The following PIEZO2 variants were observed in gnomAD, a reference collection of about 807,000 sequenced individuals.
PIEZO2 encodes piezo-type mechanosensitive ion channel component 2.
In PIEZO2, 172 loss-of-function variants were observed where a neutral mutation model predicts 337.3. The observed-to-expected ratio is 0.51, with a 90% CI of 0.45 to 0.58. The LOEUF (loss-of-function observed/expected upper bound fraction) is 0.58, where lower values mean the gene tolerates loss of function less well. Among genes scored for constraint, PIEZO2 ranks in the 20% least tolerant of loss-of-function variants. PIEZO2 has a pLI of 0.00. For synonymous variants in PIEZO2, 1,251 were observed against 1,228.5 expected (o/e 1.02, Z -0.38); for missense variants, 3,028 against 3,391.3 (o/e 0.89, Z 2.66).
At chr18:10,681,812 T>G in intron 50 of PIEZO2, 59 bp from the exon 51 acceptor site, 1 of 1,400,310 alleles carries the variant, frequency 7.1e-7, no homozygotes. Context: ...GCATCCTGAG[T>G]CAAAAGAAAA....
chr18:10,920,760 T>C (rs373196366), intron 3 of PIEZO2, among the ~76,000 whole-genome samples: 1 of 152,006 alleles, frequency 6.6e-6, no homozygotes, highest in African/African-American at 2.4e-5. Flanking sequence ...AAAGGAGGTG[T>C]AAGAATGTGC....
Position 10,726,262 on chromosome 18 carries a change from C to A in PIEZO2, c.5029+5145G>T. On this transcript the variant is annotated intron_variant, in intron 36 of 55. Coordinates refer to ENST00000674853, the MANE Select transcript of PIEZO2 (RefSeq NM_001378183.1). This position sits in a 1 kb window ranked among gnomAD's most constrained non-coding sequence, Gnocchi z 5.9. The stretch of plus-strand genomic sequence containing the variant: ...AAGAGCTTGTGTGCGAGCCTGTGTT[C>A]GGGAGCATGAGAATGGAAGCGTCGC... 3 of 801,470 alleles carry A rather than the reference C, an allele frequency of 3.7e-6. No individual in the cohort carries two copies. The highest frequency in any genetic ancestry group is 6.2e-6 in the Non-Finnish European group (3 of 481,202). The allele number at this position is 801,470 out of a possible 1,614,324, so 49.6% of individuals were successfully genotyped here.
intron 1 of PIEZO2, among the ~76,000 whole-genome samples, chr18:11,139,325 T>G (rs2040576318): frequency 6.6e-6 from 1 of 152,182 alleles, no homozygotes; most frequent in South Asian, 2.1e-4. Context: ...CATTTCACCT[T>G]GAACATCAGA....
rs558001571 is a variant in PIEZO2 at position 10,921,227 on chromosome 18, G to A, written c.287-9999C>T. Reference sequence around the variant, plus strand: ...GAATTGTGGAAAAGATAAGGTGACGGAGCAGTGAGTTGTAAACTAAATGGA... The same window carrying A: ...GAATTGTGGAAAAGATAAGGTGACGAAGCAGTGAGTTGTAAACTAAATGGA... On this transcript the variant is annotated intron_variant, in intron 3 of 55. Coordinates refer to ENST00000674853, the MANE Select transcript of PIEZO2 (RefSeq NM_001378183.1). 4.8e-4 allele frequency among the ~76,000 whole-genome samples: 73 copies of A among 152,222 alleles called. 1 individual carries two copies. Among genetic ancestry groups the A allele is most frequent in the Admixed American group, 1.7e-3 (26 of 15,292 alleles).
In PIEZO2 at chr18:11,083,657, T is replaced by C. The variant is rs1317506568; in HGVS notation, c.65-17435A>G. 6.6e-6 allele frequency among the ~76,000 whole-genome samples: 1 copy of C among 152,116 alleles called. No homozygotes were observed. The highest frequency in any genetic ancestry group is 1.5e-5 in the Non-Finnish European group (1 of 68,016). On this transcript the variant is annotated intron_variant, in intron 1 of 55. Transcript: ENST00000674853. The surrounding 1 kb of genome is among the most constrained non-coding windows in gnomAD (Gnocchi z 4.4). ...GCACAGAGTTTTGCCTTTAATCCGA[T>C]GTGAGGTAGAATCATTTAGGACACT...
rs1946262097 is a variant in PIEZO2 at position 11,002,507 on chromosome 18, C to T, written c.161-22847G>A. Among the ~76,000 whole-genome samples, 2 of 152,226 alleles carry T rather than the reference C, an allele frequency of 1.3e-5. No homozygotes were observed. Among genetic ancestry groups the T allele is most frequent in the East Asian group, 1.9e-4 (1 of 5,204 alleles). Reference sequence around the variant, plus strand: ...TTGCAACACATCGTAAACACCAGCACTCACTGTGTGCATTCACAGGGCTCA... The same window carrying T: ...TTGCAACACATCGTAAACACCAGCATTCACTGTGTGCATTCACAGGGCTCA... On this transcript the variant is annotated intron_variant, in intron 2 of 55. Coordinates refer to ENST00000674853, the MANE Select transcript of PIEZO2 (RefSeq NM_001378183.1). The surrounding 1 kb of genome is among the most constrained non-coding windows in gnomAD (Gnocchi z 4.3).
intron 35 of PIEZO2, among the ~76,000 whole-genome samples, chr18:10,731,934 T>C (rs536084498): frequency 2.6e-5 from 4 of 152,220 alleles, no homozygotes; most frequent in Non-Finnish European, 5.9e-5. Context: ...AGTAGTCTTA[T>C]TTACTTTGGG....
chr18:11,008,645 G>C (rs778581625), intron 2 of PIEZO2, among the ~76,000 whole-genome samples: 5 of 152,130 alleles, frequency 3.3e-5, no homozygotes, highest in Non-Finnish European at 5.9e-5. Flanking sequence ...TTGCTTTTGT[G>C]GTCCAAAGTT....
chr18:11,103,484 C>A (rs898706079), intron 1 of PIEZO2, among the ~76,000 whole-genome samples: 20 of 152,334 alleles, frequency 1.3e-4, no homozygotes, highest in East Asian at 7.7e-4. Context: ...AACAAAAAAT[C>A]ATTTTATAAA....
intron 13 of PIEZO2, among the ~76,000 whole-genome samples, chr18:10,791,849 T>C (rs1303853775): frequency 2.0e-5 from 3 of 152,216 alleles, no homozygotes; most frequent in Non-Finnish European, 2.9e-5. Context: ...CATGCTTTCA[T>C]AGTAACATTT....
chr18:10,771,240 C>A (rs1344058384), intron 20 of PIEZO2, among the ~76,000 whole-genome samples: 1 of 152,242 alleles, frequency 6.6e-6, no homozygotes, highest in Admixed American at 6.5e-5. Flanking sequence ...CCTGCATGGG[C>A]AGGAAGAGCT....
chr18:10,956,829 C>T (rs145772831), intron 3 of PIEZO2, among the ~76,000 whole-genome samples: 1,702 of 151,774 alleles, frequency 0.011, 36 homozygotes, highest in African/African-American at 0.038. Flanking sequence ...ATTAGCCAGG[C>T]GTGGTGGTGC....
chr18:10,912,445 G>T lies in PIEZO2; in HGVS notation c.287-1217C>A, dbSNP rs558262127. Among the ~76,000 whole-genome samples, 1,101 of 152,216 alleles carry T rather than the reference G, an allele frequency of 7.2e-3. 16 individuals are homozygous for T. The highest frequency in any genetic ancestry group is 0.024 in the African/African-American group (1,012 of 41,542). On this transcript the variant is annotated intron_variant, in intron 3 of 55. Coordinates refer to ENST00000674853, the MANE Select transcript of PIEZO2 (RefSeq NM_001378183.1). ...ATTCATAAATTGTGTTGTGCACTAG[G>T]TGCTTGATAATCACAGCAGGTAGTT...
At chr18:10,897,189 AT>A (rs113732954) in intron 4 of PIEZO2, among the ~76,000 whole-genome samples, 185 of 146,138 alleles carry the variant, frequency 1.3e-3, no homozygotes, top group African/African-American at 3.6e-3. Context: ...AGGAGATCTG[AT>A]TTTTTTTTTT....
chr18:11,027,301 G>T lies in PIEZO2; in HGVS notation c.160+38826C>A, dbSNP rs75474625. Among the ~76,000 whole-genome samples the T allele has an allele frequency of 3.4e-4, 52 of 152,144 alleles. No individual in the cohort carries two copies. Among genetic ancestry groups the T allele is most frequent in the African/African-American group, 1.2e-3 (51 of 41,508 alleles). ...TCTGAGCTCCAGTCAAGGTATAACCGGGCTCTGCTGGACCTGTGTGTGAAT... is the reference window on the plus strand; with the variant it reads ...TCTGAGCTCCAGTCAAGGTATAACCTGGCTCTGCTGGACCTGTGTGTGAAT... On this transcript the variant is annotated intron_variant, in intron 2 of 55. Coordinates refer to ENST00000674853, the MANE Select transcript of PIEZO2 (RefSeq NM_001378183.1). The surrounding 1 kb of genome is among the most constrained non-coding windows in gnomAD (Gnocchi z 4.2).
At chr18:10,918,757 T>C (rs1364270244) in intron 3 of PIEZO2, among the ~76,000 whole-genome samples, 1 of 152,102 alleles carries the variant, frequency 6.6e-6, no homozygotes. Flanking sequence ...TACATATTAA[T>C]ATATAATTAA....
At position 10,803,925 on chromosome 18, in the gene PIEZO2, T is replaced by TC. The variant is rs2144298764; in HGVS notation, c.1149dup (p.Arg384GlufsTer14). The TC allele has an allele frequency of 1.3e-6, 2 of 1,537,344 alleles. No individual in the cohort carries two copies. The highest frequency in any genetic ancestry group is 8.7e-7 in the Non-Finnish European group (1 of 1,146,926). On this transcript the variant is annotated frameshift_variant, in exon 9 of 56. Transcript: ENST00000674853. LOFTEE classifies it high-confidence loss of function. Reference sequence around the variant, plus strand: ...GTTGCGTACCACAGGCTCCGCCTCCTCCCCGCTGTTATTTGGATGGGGCTA... The same window carrying TC: ...GTTGCGTACCACAGGCTCCGCCTCCTCCCCCGCTGTTATTTGGATGGGGCTA...
chr18:10,748,736 AGCAT>A lies in PIEZO2; in HGVS notation c.4265-110_4265-107del. ...GCTTGGGAAATATAGGCATAAAAGC[AGCAT>A]TCTGATGCTCTGACTTACTTATGAG... On this transcript the variant is annotated intron_variant, in intron 29 of 55. Transcript: ENST00000674853. The surrounding 1 kb of genome is among the most constrained non-coding windows in gnomAD (Gnocchi z 5.1). The A allele has an allele frequency of 4.7e-6, 5 of 1,064,450 alleles. No individual in the cohort carries two copies. The highest frequency in any genetic ancestry group is 2.7e-4 in the Middle Eastern group (1 of 3,646). 65.9% of individuals were successfully genotyped at this position (1,064,450 alleles called of 1,614,324 possible). A position where few individuals can be genotyped will look rare whatever the true frequency, so the allele number is the denominator to read the frequency against.
At chr18:10,995,787 A>G (rs2035299992) in intron 2 of PIEZO2, among the ~76,000 whole-genome samples, 1 of 152,122 alleles carries the variant, frequency 6.6e-6, no homozygotes. Context: ...AGTTGCTGCC[A>G]TGGGGCCACT....
Sources: gnomAD v4.1 joint callset for allele counts (sites outside exome capture counted in the v4.1 genomes callset) on GRCh38, gnomAD v4.1.1 for gene constraint, Gnocchi (gnomAD v3.1) non-coding constraint, MANE v1.5 for transcripts, NCBI Gene and HGNC (gene_info 2026-07-23, HGNC 2026-07-21) for gene names.